CCDC91: variants seen among roughly 807,000 people sequenced by gnomAD.
The protein encoded by CCDC91 is coiled-coil domain-containing protein 91.
Under a neutral mutation model 63.2 loss-of-function variants are expected in CCDC91, and 48 were observed. The ratio of observed to expected loss-of-function variants is 0.76; its 90% confidence interval spans 0.60 to 0.97. The LOEUF is 0.97. Among genes scored for constraint, CCDC91 ranks in the 50% least tolerant of loss-of-function variants. The probability of loss-of-function intolerance (pLI) is 0.00; values close to 1 mark genes in which losing one functional copy is unlikely to be tolerated. For synonymous variants in CCDC91, 167 were observed against 165.8 expected (o/e 1.01, Z -0.06); for missense variants, 500 against 494.6 (o/e 1.01, Z -0.10).
chr12:28,519,170 CATCCATGCGCATGG>C (rs1435841044), intron 12 of CCDC91, among the ~76,000 whole-genome samples: 1 of 151,866 alleles, frequency 6.6e-6, no homozygotes, highest in Non-Finnish European at 1.5e-5. Flanking sequence ...TGATTCTGTC[CATCCATGCGCATGG>C]AATGTATTTC....
At chr12:28,350,888 A>C (rs1943138323) in intron 6 of CCDC91, among the ~76,000 whole-genome samples, 1 of 152,184 alleles carries the variant, frequency 6.6e-6, no homozygotes, top group African/African-American at 2.4e-5. Flanking sequence ...TTTAGGGCAC[A>C]TTCATAAATC....
rs189352843 is a variant in CCDC91, at chr12:28,227,878, A to G, written c.-14-29324A>G. 1.3e-4 allele frequency among the ~76,000 whole-genome samples: 20 copies of G among 151,988 alleles called. No homozygotes were observed. The East Asian group carries it at 3.7e-3, about 28-fold the overall frequency. ...TTTGCCTCTAACTGATTTTAGGTAAATTACTTGATCTCACTATAGCATTGT... is the reference window on the plus strand; with the variant it reads ...TTTGCCTCTAACTGATTTTAGGTAAGTTACTTGATCTCACTATAGCATTGT... On this transcript the variant is annotated intron_variant, in intron 1 of 12. Coordinates refer to ENST00000536442, the MANE Select transcript of CCDC91 (RefSeq NM_018318.5).
chr12:28,280,625 AC>A (rs1422215195), intron 3 of CCDC91, among the ~76,000 whole-genome samples: 1 of 152,020 alleles, frequency 6.6e-6, no homozygotes, highest in Non-Finnish European at 1.5e-5. Context: ...CTTTGTAAAT[AC>A]CCTTCTATTA....
At chr12:28,234,699 G>T (rs1944823826) in intron 1 of CCDC91, among the ~76,000 whole-genome samples, 1 of 151,564 alleles carries the variant, frequency 6.6e-6, no homozygotes, top group Non-Finnish European at 1.5e-5. Context: ...ACATGAATTT[G>T]TTATGTGGCA....
In CCDC91 at chr12:28,458,612, G is replaced by T. The variant is rs1464945667; in HGVS notation, c.1101+5958G>T. ...AGCCTCCTGAATAGCTGCAACTACAGGTGCACACCACCACACCTGGCTAAT... is the reference window on the plus strand; with the variant it reads ...AGCCTCCTGAATAGCTGCAACTACATGTGCACACCACCACACCTGGCTAAT... On this transcript the variant is annotated intron_variant, in intron 11 of 12. Coordinates refer to ENST00000536442, the MANE Select transcript of CCDC91 (RefSeq NM_018318.5). Among the ~76,000 whole-genome samples, 4 of 151,414 alleles carry T rather than the reference G, an allele frequency of 2.6e-5. No homozygotes were observed. In the East Asian group the frequency reaches 7.8e-4, roughly 29 times the overall value.
At chr12:28,396,294 A>G (rs906005493) in intron 8 of CCDC91, among the ~76,000 whole-genome samples, 13 of 152,172 alleles carry the variant, frequency 8.5e-5, no homozygotes, top group Admixed American at 2.0e-4. Context: ...ATGAAAAATG[A>G]CTATATTTCA....
At chr12:28,362,397 CA>C (rs1179440646) in intron 6 of CCDC91, 40 bp from the exon 7 acceptor site, 1 of 1,393,910 alleles carries the variant, frequency 7.2e-7, no homozygotes, top group Admixed American at 2.2e-5. Context: ...GAAAACAAAA[CA>C]GAAGAAAAAC....
At chr12:28,280,116 C>T (rs1948507972) in intron 3 of CCDC91, among the ~76,000 whole-genome samples, 1 of 152,072 alleles carries the variant, frequency 6.6e-6, no homozygotes, top group Non-Finnish European at 1.5e-5. Flanking sequence ...TTTAAAAAGT[C>T]AGTGTACAGA....
At chr12:28,482,767 T>G (rs1408457272) in intron 11 of CCDC91, among the ~76,000 whole-genome samples, 2 of 151,944 alleles carry the variant, frequency 1.3e-5, no homozygotes, top group African/African-American at 4.8e-5. Context: ...CAAAAATGAT[T>G]CCACTTTTTG....
chr12:28,262,778 A>G (rs562303789), intron 3 of CCDC91, among the ~76,000 whole-genome samples: 2 of 152,004 alleles, frequency 1.3e-5, no homozygotes, highest in Non-Finnish European at 2.9e-5. Context: ...CCTTATTGTC[A>G]TAGGAATTGC....
intron 12 of CCDC91, among the ~76,000 whole-genome samples, chr12:28,503,508 A>G (rs574242101): frequency 6.6e-6 from 1 of 152,290 alleles, no homozygotes; most frequent in Non-Finnish European, 1.5e-5. Flanking sequence ...TAGTTCAACC[A>G]TTGTGGAAGT....
chr12:28,457,833 T>G (rs1950121337), intron 11 of CCDC91, among the ~76,000 whole-genome samples: 1 of 152,076 alleles, frequency 6.6e-6, no homozygotes, highest in South Asian at 2.1e-4. Context: ...TTAAAAGTCT[T>G]TGTTAAGTAA....
At chr12:28,507,398 G>A (rs1443952401) in intron 12 of CCDC91, among the ~76,000 whole-genome samples, 1 of 151,966 alleles carries the variant, frequency 6.6e-6, no homozygotes, top group Non-Finnish European at 1.5e-5. Flanking sequence ...CCCAATAGAT[G>A]CCAGTAGTAG....
chr12:28,495,390 A>T (rs1952225634), intron 12 of CCDC91, among the ~76,000 whole-genome samples: 1 of 151,632 alleles, frequency 6.6e-6, no homozygotes, highest in South Asian at 2.1e-4. Context: ...TGTTCATATG[A>T]TTCATCTGAT....
intron 6 of CCDC91, among the ~76,000 whole-genome samples, chr12:28,329,265 C>T (rs1386263720): frequency 6.6e-6 from 1 of 151,992 alleles, no homozygotes; most frequent in Non-Finnish European, 1.5e-5. Flanking sequence ...AAGTCTATGT[C>T]CTTTGGTTGA....
intron 8 of CCDC91, among the ~76,000 whole-genome samples, chr12:28,402,520 ATTTTTTTTTTT>A (rs57398967): frequency 2.1e-3 from 108 of 51,954 alleles, no homozygotes; most frequent in African/African-American, 7.4e-3. Context: ...AGTTCCAGGA[ATTTTTTTTTTT>A]TTTTTTTTTT....
chr12:28,330,007 G>T (rs1158902309), intron 6 of CCDC91, among the ~76,000 whole-genome samples: 2 of 152,128 alleles, frequency 1.3e-5, no homozygotes, highest in Non-Finnish European at 2.9e-5. Flanking sequence ...TCTTAATCCA[G>T]TGTGTCTTTG....
At chr12:28,514,609 T>C (rs546635277) in intron 12 of CCDC91, among the ~76,000 whole-genome samples, 10 of 152,180 alleles carry the variant, frequency 6.6e-5, no homozygotes, top group Admixed American at 6.6e-4. Flanking sequence ...TCCAGGGTTT[T>C]TAAAGTTTTG....
chr12:28,465,006 A>G (rs1950483391), intron 11 of CCDC91, among the ~76,000 whole-genome samples: 1 of 152,146 alleles, frequency 6.6e-6, no homozygotes, highest in Admixed American at 6.5e-5. Context: ...GCTACAAGCT[A>G]ATGGAAGAGC....
Sources: allele counts gnomAD v4.1 joint callset (sites outside exome capture counted in the v4.1 genomes callset), GRCh38; gene constraint gnomAD v4.1.1; transcripts MANE v1.5; gene names NCBI Gene and HGNC (gene_info 2026-07-23, HGNC 2026-07-21).